Variants in TOP1 observed in about 807,000 individuals in gnomAD.
TOP1 encodes DNA topoisomerase I.
A neutral mutation model predicts 111.1 loss-of-function variants in TOP1; 10 were observed. The ratio of observed to expected loss-of-function variants is 0.09; its 90% CI spans 0.06 to 0.15. The LOEUF (loss-of-function observed/expected upper bound fraction) is 0.15. Ranked by LOEUF, TOP1 falls within the 10% of genes least tolerant of loss-of-function variation. The pLI is 1.00. For synonymous variants in TOP1, 271 were observed against 302.9 expected, an observed-to-expected ratio of 0.89 and a Z score of 1.10; for missense variants, 474 against 926.7, an observed-to-expected ratio of 0.51 and a Z score of 6.34.
At chr20:41,119,356 T>C (rs1393117886) in intron 18 of TOP1, among the ~76,000 whole-genome samples, 2 of 152,230 alleles carry the variant, frequency 1.3e-5, no homozygotes, top group African/African-American at 2.4e-5. Flanking sequence ...GGCTCACACC[T>C]GTAATCTCAG....
Position 41,122,165 on chromosome 20 carries a change from G to A in TOP1, c.2195+10G>A. 1.9e-6 allele frequency: 3 copies of A among 1,613,664 alleles called. No homozygotes were observed. The highest frequency in any genetic ancestry group is 2.5e-6 in the Non-Finnish European group (3 of 1,179,784). On this transcript the variant is annotated intron_variant, in intron 20 of 20. Transcript: ENST00000361337. The surrounding 1 kb of genome is among the most constrained non-coding windows in gnomAD (Gnocchi z 5.4). ...GGATCACAGTGGCTTGGTAAGTGTT[G>A]AGCCCTCCTTGAGCTCCTGCTGCTA...
chr20:41,111,746 T>G (rs977907245), intron 13 of TOP1, among the ~76,000 whole-genome samples: 10 of 152,116 alleles, frequency 6.6e-5, no homozygotes, highest in Admixed American at 3.3e-4. Flanking sequence ...ACTACCACTT[T>G]CCTTTGTTGC....
chr20:41,084,114 G>T (rs888027113), intron 7 of TOP1, among the ~76,000 whole-genome samples: 1 of 151,948 alleles, frequency 6.6e-6, no homozygotes, highest in Non-Finnish European at 1.5e-5. Flanking sequence ...TTAAAGATGA[G>T]TAGGATTAAA....
rs910984236 is a variant in TOP1 at position 41,123,045 on chromosome 20, T to C, written c.2196-150T>C. ...GCCAAGATTAAATGAGTTGATCACA[T>C]AAAACCTTTAGAACATGCTTGGTGC... On this transcript the variant is annotated intron_variant, in intron 20 of 20. Coordinates refer to ENST00000361337, the MANE Select transcript of TOP1 (RefSeq NM_003286.4). The surrounding 1 kb of genome is among the most constrained non-coding windows in gnomAD (Gnocchi z 5.8). 21 of 594,328 alleles carry C rather than the reference T, an allele frequency of 3.5e-5. No individual in the cohort carries two copies. Among genetic ancestry groups the C allele is most frequent in the Non-Finnish European group, 6.1e-5 (20 of 329,656 alleles). 36.8% of individuals were successfully genotyped at this position (594,328 alleles called of 1,614,324 possible).
At position 41,110,295 on chromosome 20, in the gene TOP1, A is replaced by C. The variant is rs1048504227; in HGVS notation, c.1309-2487A>C. On this transcript the variant is annotated intron_variant, in intron 13 of 20. Transcript: ENST00000361337. This position sits in a 1 kb window ranked among gnomAD's most constrained non-coding sequence, Gnocchi z 4.2. ...CGAGACGCTGTCTCAGAGGGAAAAA[A>C]AAAAGTTAAAAAGGCAGACAGAGGA... 6.6e-6 allele frequency among the ~76,000 whole-genome samples: 1 copy of C among 152,186 alleles called. No homozygotes were observed. The highest frequency in any genetic ancestry group is 1.5e-5 in the Non-Finnish European group (1 of 68,020).
intron 2 of TOP1, among the ~76,000 whole-genome samples, chr20:41,051,277 A>G (rs959154286): frequency 2.6e-5 from 4 of 152,164 alleles, no homozygotes; most frequent in Admixed American, 1.3e-4. Flanking sequence ...TCTCAAATCT[A>G]TCATCAAAAG....
chr20:41,113,245 A>G (rs147818224), intron 14 of TOP1, among the ~76,000 whole-genome samples: 3 of 152,348 alleles, frequency 2.0e-5, no homozygotes, highest in African/African-American at 7.2e-5. Context: ...GGTACTCACG[A>G]GAAGAAAAAA....
intron 5 of TOP1, 24 bp downstream of exon 5, chr20:41,077,661 CTTCCCT>C: frequency 6.2e-7 from 1 of 1,610,808 alleles, no homozygotes; most frequent in Non-Finnish European, 8.5e-7. Flanking sequence ...GCTGCGTGGG[CTTCCCT>C]TTCTCTGGGT....
chr20:41,029,384 G>T lies in TOP1; in HGVS notation c.34-47G>T, dbSNP rs565227976. Reference sequence around the variant, plus strand: ...CGGCCGCGCGCGCTCGCCGCCGGAGGGGTTAAAGTGGCTGTTGTTTGATAT... The same window carrying T: ...CGGCCGCGCGCGCTCGCCGCCGGAGTGGTTAAAGTGGCTGTTGTTTGATAT... On this transcript the variant is annotated intron_variant, in intron 1 of 20. Transcript: ENST00000361337. This position sits in a 1 kb window ranked among gnomAD's most constrained non-coding sequence, Gnocchi z 6.1. 271 of 1,437,068 alleles carry T rather than the reference G, an allele frequency of 1.9e-4. No individual in the cohort carries two copies. Among genetic ancestry groups the T allele is most frequent in the Admixed American group, 2.8e-4 (10 of 35,438 alleles). 89.0% of individuals were successfully genotyped at this position (1,437,068 alleles called of 1,614,324 possible). A position where few individuals can be genotyped will look rare whatever the true frequency, so the allele number is the denominator to read the frequency against.
rs1381793101 is a variant in TOP1 at position 41,069,871 on chromosome 20, C to T, written c.156-6300C>T. Among the ~76,000 whole-genome samples, 1 of 152,084 alleles carries T rather than the reference C, an allele frequency of 6.6e-6. No individual in the cohort carries two copies. Among genetic ancestry groups the T allele is most frequent in the Non-Finnish European group, 1.5e-5 (1 of 68,030 alleles). On this transcript the variant is annotated intron_variant, in intron 3 of 20. Transcript: ENST00000361337. The surrounding 1 kb of genome is among the most constrained non-coding windows in gnomAD (Gnocchi z 4.1). The stretch of plus-strand genomic sequence containing the variant: ...CCATTCAAAGATGGTTAAAATTTTG[C>T]TAACGGAAAGTAATGGTTAGAAAGA...
rs2033625860 is a variant in TOP1, at chr20:41,067,832, C to A, written c.155+6342C>A. Among the ~76,000 whole-genome samples the A allele has an allele frequency of 6.6e-6, 1 of 152,224 alleles. No homozygotes were observed. The highest frequency in any genetic ancestry group is 1.5e-5 in the Non-Finnish European group (1 of 68,040). ...CATTATGTGCAGAAACAAAATGGGG[C>A]TATGGATCCACATCCCAGAAGATGC... On this transcript the variant is annotated intron_variant, in intron 3 of 20. Coordinates refer to ENST00000361337, the MANE Select transcript of TOP1 (RefSeq NM_003286.4). This position sits in a 1 kb window ranked among gnomAD's most constrained non-coding sequence, Gnocchi z 4.0.
Position 41,061,291 on chromosome 20 carries a change from C to T in TOP1, c.59-103C>T. ...GGCATGTGCTATTATGCCTACCATG[C>T]CATTTGAATCCTGTCATTGTACTTC... On this transcript the variant is annotated intron_variant, in intron 2 of 20. Transcript: ENST00000361337. The surrounding 1 kb of genome is among the most constrained non-coding windows in gnomAD (Gnocchi z 4.6). 1 of 1,099,894 alleles carries T rather than the reference C, an allele frequency of 9.1e-7. No homozygotes were observed. Among genetic ancestry groups the T allele is most frequent in the Non-Finnish European group, 1.3e-6 (1 of 755,998 alleles). The allele number at this position is 1,099,894 out of a possible 1,614,324, so 68.1% of individuals were successfully genotyped here.
At position 41,118,174 on chromosome 20, in the gene TOP1, G is replaced by C; in HGVS notation, c.1828G>C (p.Glu610Gln). 6.2e-7 allele frequency: 1 copy of C among 1,613,758 alleles called. No homozygotes were observed. The highest frequency in any genetic ancestry group is 8.5e-7 in the Non-Finnish European group (1 of 1,179,700). ...QQLKELTAPD[E>Q]NIPAKILSYN... ...CCATGTTCCTTTCTTTACAGCGGAT[G>C]AGAACATCCCAGCGAAGATCCTTTC... The change falls in exon 18 of 21, where the codon GAG becomes CAG. Residue 610 changes from glutamate (E) to glutamine (Q), a missense_variant. Around this residue, in one of 14 missense-constraint regions of TOP1, gnomAD observed 18 missense variants for 20.5 expected, o/e 0.88. Transcript: ENST00000361337. This position sits in a 1 kb window ranked among gnomAD's most constrained non-coding sequence, Gnocchi z 4.6.
intron 8 of TOP1, among the ~76,000 whole-genome samples, chr20:41,086,250 G>A (rs7261376): frequency 0.17 from 25,051 of 149,368 alleles, 2,351 homozygotes; most frequent in Middle Eastern, 0.29. Flanking sequence ...GCGACAGAGC[G>A]AGACTCTGTC....
chr20:41,115,558 C>A lies in TOP1; in HGVS notation c.1707+119C>A. The stretch of plus-strand genomic sequence containing the variant: ...CCCTTTAGCCTGGCCTGCTCTGTGG[C>A]ATCCCATACACTCTCTCTTCCTCCC... On this transcript the variant is annotated intron_variant, in intron 16 of 20. Transcript: ENST00000361337. The surrounding 1 kb of genome is among the most constrained non-coding windows in gnomAD (Gnocchi z 6.3). The A allele has an allele frequency of 1.4e-6, 1 of 699,596 alleles. No individual in the cohort carries two copies. Among genetic ancestry groups the A allele is most frequent in the South Asian group, 1.6e-5 (1 of 63,234 alleles). 43.3% of individuals were successfully genotyped at this position (699,596 alleles called of 1,614,324 possible).
chr20:41,061,519 T>C lies in TOP1; in HGVS notation c.155+29T>C, dbSNP rs563941420. 1.3e-6 allele frequency: 2 copies of C among 1,555,898 alleles called. No homozygotes were observed. Among genetic ancestry groups the C allele is most frequent in the African/African-American group, 2.7e-5 (2 of 73,452 alleles). On this transcript the variant is annotated intron_variant, in intron 3 of 20. Transcript: ENST00000361337. The surrounding 1 kb of genome is among the most constrained non-coding windows in gnomAD (Gnocchi z 4.6). Reference sequence around the variant, plus strand: ...AGGGTGGAATCAAGCAAGTCCCTCATCATTCAGCAGTGGGTTGGCCATTGC... The same window carrying C: ...AGGGTGGAATCAAGCAAGTCCCTCACCATTCAGCAGTGGGTTGGCCATTGC...
chr20:41,114,563 C>T lies in TOP1; in HGVS notation c.1638+408C>T, dbSNP rs1341010411. The stretch of plus-strand genomic sequence containing the variant: ...AGTGGCCTTCTCCTATAGCAGTATT[C>T]AATGGAGCATGCTGTAGAATAGGCC... On this transcript the variant is annotated intron_variant, in intron 15 of 20. Transcript: ENST00000361337. The surrounding 1 kb of genome is among the most constrained non-coding windows in gnomAD (Gnocchi z 4.5). Among the ~76,000 whole-genome samples, 4 of 152,204 alleles carry T rather than the reference C, an allele frequency of 2.6e-5. No individual in the cohort carries two copies. Among genetic ancestry groups the T allele is most frequent in the Non-Finnish European group, 5.9e-5 (4 of 68,028 alleles).
Position 41,084,578 on chromosome 20 carries a change from C to G in TOP1, c.614+10C>G. The G allele has an allele frequency of 6.7e-7, 1 of 1,501,040 alleles. No individual in the cohort carries two copies. The highest frequency in any genetic ancestry group is 9.0e-7 in the Non-Finnish European group (1 of 1,112,910). The allele number at this position is 1,501,040 out of a possible 1,614,324, so 93.0% of individuals were successfully genotyped here. A position where few individuals can be genotyped will look rare whatever the true frequency, so the allele number is the denominator to read the frequency against. Reference sequence around the variant, plus strand: ...AACAGAAGTGGAAATGGTAACATCTCAGCACTGGGTTAAAATGCCACCTTT... The same window carrying G: ...AACAGAAGTGGAAATGGTAACATCTGAGCACTGGGTTAAAATGCCACCTTT... On this transcript the variant is annotated intron_variant, in intron 8 of 20. Transcript: ENST00000361337.
Position 41,106,369 on chromosome 20 carries a change from T to G in TOP1, c.1308+5016T>G, listed in dbSNP as rs1475634664. Among the ~76,000 whole-genome samples the G allele has an allele frequency of 6.6e-6, 1 of 152,222 alleles. No individual in the cohort carries two copies. The highest frequency in any genetic ancestry group is 2.4e-5 in the African/African-American group (1 of 41,458). On this transcript the variant is annotated intron_variant, in intron 13 of 20. Transcript: ENST00000361337. The surrounding 1 kb of genome is among the most constrained non-coding windows in gnomAD (Gnocchi z 4.3). ...GGCCCTCTGCTGTTTCATATTAACT[T>G]TCAGATAAACTTGTCAAATTCTAAT...
Sources: gnomAD v4.1 joint callset for allele counts (sites outside exome capture counted in the v4.1 genomes callset) on GRCh38, gnomAD v4.1.1 for gene constraint, gnomAD v4.1.1 regional missense constraint, Gnocchi (gnomAD v3.1) non-coding constraint, MANE v1.5 for transcripts, NCBI Gene and HGNC (gene_info 2026-07-23, HGNC 2026-07-21) for gene names.